Variants in MEIS2 observed in about 807,000 individuals in gnomAD.
MEIS2 encodes the protein Meis homeobox 2.
A neutral mutation model predicts 58.6 loss-of-function variants in MEIS2; 9 were observed. That is an observed-to-expected ratio of 0.15 (90% CI 0.09 to 0.27). MEIS2 has a LOEUF of 0.27. MEIS2 is among the 10% of genes least tolerant of loss of function. The pLI, the probability that MEIS2 is intolerant of heterozygous loss-of-function variation, is 1.00. For missense variants in MEIS2, 427 were observed against 635.0 expected, an observed-to-expected ratio of 0.67 and a Z score of 3.52; for synonymous variants, 221 against 228.4, an observed-to-expected ratio of 0.97 and a Z score of 0.29.
intron 7 of MEIS2, among the ~76,000 whole-genome samples, chr15:37,070,494 T>A (rs1890556824): frequency 6.6e-6 from 1 of 152,148 alleles, no homozygotes; most frequent in Non-Finnish European, 1.5e-5. Context: ...CTCTCCACAC[T>A]TTGCAGACTT....
chr15:36,940,354 A>G (rs1489064586), intron 9 of MEIS2, among the ~76,000 whole-genome samples: 1 of 152,126 alleles, frequency 6.6e-6, no homozygotes, highest in East Asian at 1.9e-4. Flanking sequence ...TTTTCTAATT[A>G]AGGAAAATGA....
At chr15:37,010,631 G>T (rs986889944) in intron 8 of MEIS2, among the ~76,000 whole-genome samples, 2 of 152,172 alleles carry the variant, frequency 1.3e-5, no homozygotes, top group African/African-American at 4.8e-5. Context: ...CACCCCCATC[G>T]GCCTCCGCCA....
rs568958729 is a variant in MEIS2, at chr15:36,907,098, G to A, written c.978-10412C>T. Reference sequence around the variant, plus strand: ...ACTTATCAGAGAGTTTTTAAAACTGGAATAGGAAAATCTATATAAAAGACT... The same window carrying A: ...ACTTATCAGAGAGTTTTTAAAACTGAAATAGGAAAATCTATATAAAAGACT... On this transcript the variant is annotated intron_variant, in intron 9 of 11. Coordinates refer to ENST00000561208, the MANE Select transcript of MEIS2 (RefSeq NM_170675.5). 2.0e-5 allele frequency among the ~76,000 whole-genome samples: 3 copies of A among 152,254 alleles called. No individual in the cohort carries two copies. In the South Asian group the frequency reaches 6.2e-4, roughly 32 times the overall value.
chr15:37,072,100 C>T (rs1023796189), intron 7 of MEIS2, among the ~76,000 whole-genome samples: 23 of 152,106 alleles, frequency 1.5e-4, no homozygotes, highest in African/African-American at 2.4e-4. Flanking sequence ...TCATTCAACA[C>T]GCACCCACCT....
chr15:36,896,783 C>A, intron 9 of MEIS2, 97 bp from the exon 10 acceptor site: 1 of 958,010 alleles, frequency 1.0e-6, no homozygotes, highest in Non-Finnish European at 1.7e-6. Flanking sequence ...ACAGTCAAAT[C>A]TCTTCTGAAA....
chr15:37,036,052 T>TA (rs2062137542), intron 8 of MEIS2, among the ~76,000 whole-genome samples: 1 of 151,918 alleles, frequency 6.6e-6, no homozygotes, highest in Non-Finnish European at 1.5e-5. Flanking sequence ...AGTTTATCTG[T>TA]AAAAATATAT....
intron 8 of MEIS2, among the ~76,000 whole-genome samples, chr15:36,974,997 A>T (rs2059691942): frequency 6.6e-6 from 1 of 152,334 alleles, no homozygotes; most frequent in Non-Finnish European, 1.5e-5. Flanking sequence ...AAACCTTATT[A>T]TCAAGGCTAA....
intron 7 of MEIS2, among the ~76,000 whole-genome samples, chr15:37,049,637 C>A (rs763417520): frequency 3.3e-5 from 5 of 151,928 alleles, no homozygotes; most frequent in Non-Finnish European, 5.9e-5. Flanking sequence ...CTGGTGTGCG[C>A]CACCATGCCT....
Position 37,099,776 on chromosome 15 carries a change from C to A in MEIS2, c.-310G>T. ...TCCTCCTCTTCGGTCCTCCTTTCCC[C>A]CTCTTTCTCTTCTCTTCCCCTCAGT... On this transcript the variant is annotated 5_prime_UTR_variant, in exon 1 of 12. Transcript: ENST00000561208. 2.9e-6 allele frequency: 1 copy of A among 348,316 alleles called. No homozygotes were observed. 21.6% of individuals were successfully genotyped at this position (348,316 alleles called of 1,614,324 possible). A position where few individuals can be genotyped will look rare whatever the true frequency, so the allele number is the denominator to read the frequency against.
intron 7 of MEIS2, among the ~76,000 whole-genome samples, chr15:37,049,497 T>G (rs965566033): frequency 3.3e-5 from 5 of 151,782 alleles, no homozygotes; most frequent in African/African-American, 1.2e-4. Context: ...TTGTTTTTGT[T>G]TTTTTTGGAG....
intron 9 of MEIS2, among the ~76,000 whole-genome samples, chr15:36,936,598 A>G (rs558691934): frequency 2.0e-5 from 3 of 152,382 alleles, no homozygotes; most frequent in East Asian, 1.9e-4. Flanking sequence ...TGAAAGATGT[A>G]TTATAAAATG....
At chr15:36,893,544 T>C (rs951428489) in intron 11 of MEIS2, among the ~76,000 whole-genome samples, 2 of 152,202 alleles carry the variant, frequency 1.3e-5, no homozygotes, top group African/African-American at 4.8e-5. Flanking sequence ...AAATATACCA[T>C]ATTGTGTGGC....
chr15:36,978,426 T>C (rs1348222431), intron 8 of MEIS2, among the ~76,000 whole-genome samples: 1 of 152,234 alleles, frequency 6.6e-6, no homozygotes, highest in African/African-American at 2.4e-5. Flanking sequence ...TCTGTGCTCT[T>C]ATCGCTGTAC....
intron 8 of MEIS2, among the ~76,000 whole-genome samples, chr15:36,997,683 G>A (rs1246516523): frequency 2.6e-5 from 4 of 152,036 alleles, no homozygotes; most frequent in East Asian, 1.9e-4. Flanking sequence ...GGGTTTCGCC[G>A]TGTTAGCCAG....
intron 6 of MEIS2, among the ~76,000 whole-genome samples, chr15:37,086,505 T>C (rs572707862): frequency 6.6e-6 from 1 of 152,354 alleles, no homozygotes; most frequent in African/African-American, 2.4e-5. Flanking sequence ...ATTGGGTCTT[T>C]GGTTTTCTGC....
At chr15:37,098,323 G>A (rs1894584486) in intron 1 of MEIS2, 124 bp from the exon 2 acceptor site, 1 of 1,345,520 alleles carries the variant, frequency 7.4e-7, no homozygotes, top group Non-Finnish European at 9.6e-7. Context: ...ATAAAGATGA[G>A]AGAGAGGGAG....
At chr15:36,982,470 T>C (rs945092826) in intron 8 of MEIS2, among the ~76,000 whole-genome samples, 3 of 152,198 alleles carry the variant, frequency 2.0e-5, no homozygotes, top group African/African-American at 7.2e-5. Flanking sequence ...TTGTCACAAA[T>C]GACAGGATTT....
chr15:37,099,004 A>T, intron 1 of MEIS2: 1 of 983,570 alleles, frequency 1.0e-6, no homozygotes, highest in Non-Finnish European at 1.2e-6. Context: ...CGGCTGCGGC[A>T]GCGCGGCCCC....
intron 7 of MEIS2, among the ~76,000 whole-genome samples, chr15:37,070,090 G>A (rs1158691517): frequency 2.0e-5 from 3 of 152,126 alleles, no homozygotes; most frequent in African/African-American, 4.8e-5. Context: ...ATACATTTTA[G>A]AGGGTGTAAC....
Sources: gnomAD v4.1 joint callset for allele counts (sites outside exome capture counted in the v4.1 genomes callset) on GRCh38, gnomAD v4.1.1 for gene constraint, MANE v1.5 for transcripts, NCBI Gene and HGNC (gene_info 2026-07-23, HGNC 2026-07-21) for gene names.